PARP16: variants seen among roughly 807,000 people sequenced by gnomAD.
The protein encoded by PARP16 is protein mono-ADP-ribosyltransferase PARP16.
PARP16 carries 31 observed loss-of-function variants against 35.0 expected under a neutral mutation model. The observed-to-expected ratio is 0.88, with a 90% confidence interval of 0.66 to 1.19. The LOEUF is 1.19. PARP16 is among the 50% of genes most tolerant of loss of function. The pLI is 0.00. For synonymous variants in PARP16, 162 were observed against 169.5 expected, an observed-to-expected ratio of 0.96 and a Z score of 0.34; for missense variants, 424 against 411.2, an observed-to-expected ratio of 1.03 and a Z score of -0.27.
In PARP16 at chr15:65,286,819, C is replaced by A; in HGVS notation, c.-393G>T. ...GAGGCCTGGGGCGGGAAGCAGCCCC[C>A]GGGGGACGGCGGGCAGAGCCCACTC... On this transcript the variant is annotated 5_prime_UTR_variant, in exon 1 of 6. Coordinates refer to ENST00000649807, the MANE Select transcript of PARP16 (RefSeq NM_001316943.2). 1 of 180,104 alleles carries A rather than the reference C, an allele frequency of 5.6e-6. No individual in the cohort carries two copies. The highest frequency in any genetic ancestry group is 1.2e-5 in the Non-Finnish European group (1 of 86,740). 11.2% of individuals were successfully genotyped at this position (180,104 alleles called of 1,614,324 possible).
Position 65,259,516 on chromosome 15 carries a change from G to A in PARP16, c.860C>T (p.Ser287Phe), listed in dbSNP as rs941566231. The change falls in exon 6 of 6, where the codon TCC (serine) becomes TTC (phenylalanine). Residue 287 changes from serine to phenylalanine, a missense_variant. Ser to Phe is a radical substitution (Grantham distance 155, BLOSUM62 -2). Coordinates refer to ENST00000649807, the MANE Select transcript of PARP16 (RefSeq NM_001316943.2). ...TATCATGACGGTAAACCAATGGCTG[G>A]AAAACCAGGAGAGCTGGCTCGAAGC... ...KRASSQLSWFSSHWFTVMISL... is the reference protein window; with the variant it reads ...KRASSQLSWFFSHWFTVMISL... The A allele has an allele frequency of 1.2e-6, 2 of 1,614,134 alleles. No homozygotes were observed. Among genetic ancestry groups the A allele is most frequent in the Admixed American group, 3.3e-5 (2 of 60,028 alleles).
chr15:65,283,760 T>G (rs1459887061), intron 1 of PARP16, among the ~76,000 whole-genome samples: 1 of 152,128 alleles, frequency 6.6e-6, no homozygotes, highest in African/African-American at 2.4e-5. Flanking sequence ...TCTCCACGGG[T>G]TAATCCTGTA....
intron 1 of PARP16, among the ~76,000 whole-genome samples, chr15:65,272,677 A>C (rs1396227798): frequency 6.6e-6 from 1 of 152,148 alleles, no homozygotes; most frequent in East Asian, 1.9e-4. Flanking sequence ...AGACACCTGG[A>C]GGTCAAGAAC....
chr15:65,269,536 A>G (rs927742927), intron 2 of PARP16, among the ~76,000 whole-genome samples: 1 of 152,204 alleles, frequency 6.6e-6, no homozygotes, highest in Admixed American at 6.5e-5. Flanking sequence ...AAGCCAGTCT[A>G]TGGCAAAGTT....
intron 2 of PARP16, among the ~76,000 whole-genome samples, chr15:65,269,204 C>CTTTTTTT (rs894925251): frequency 9.7e-6 from 1 of 103,490 alleles, no homozygotes; most frequent in African/African-American, 3.1e-5. Context: ...TTCTTTCTTT[C>CTTTTTTT]TTTTTTTTTT....
intron 1 of PARP16, among the ~76,000 whole-genome samples, chr15:65,275,115 A>C (rs886554225): frequency 8.2e-4 from 118 of 143,588 alleles, no homozygotes; most frequent in African/African-American, 2.9e-3. Context: ...ACCCTGTCTC[A>C]AAAAAAAAAA....
At chr15:65,244,150 T>A (rs992800560) in intron 3 of PARP16, among the ~76,000 whole-genome samples, 1 of 152,324 alleles carries the variant, frequency 6.6e-6, no homozygotes, top group East Asian at 1.9e-4. Context: ...AGGTCTCAGA[T>A]AATGTGTCAG....
chr15:65,254,111 G>A (rs1231092211), downstream of PARP16, among the ~76,000 whole-genome samples: 2 of 152,194 alleles, frequency 1.3e-5, no homozygotes, highest in Non-Finnish European at 1.5e-5. Context: ...GAACCACCGC[G>A]CCTGGCCTAA....
At chr15:65,262,002 A>T (rs2089737045) in intron 4 of PARP16, among the ~76,000 whole-genome samples, 1 of 152,204 alleles carries the variant, frequency 6.6e-6, no homozygotes, top group South Asian at 2.1e-4. Context: ...GCAAATATCC[A>T]TGCTGTCCGG....
At chr15:65,263,058 C>A (rs2089786774) in intron 4 of PARP16, 91 bp downstream of exon 4, 4 of 1,213,028 alleles carry the variant, frequency 3.3e-6, no homozygotes, top group Admixed American at 2.0e-5. Flanking sequence ...CTTGGGCATG[C>A]AATGGGTGCT....
chr15:65,235,998 C>T (rs751534202), intron 3 of PARP16, among the ~76,000 whole-genome samples: 28 of 151,128 alleles, frequency 1.9e-4, no homozygotes, highest in Non-Finnish European at 3.7e-4. Flanking sequence ...GCTGGGATTA[C>T]AGGCATGTGC....
At chr15:65,248,525 G>C (rs1025413061) in intron 2 of PARP16, among the ~76,000 whole-genome samples, 1 of 152,104 alleles carries the variant, frequency 6.6e-6, no homozygotes, top group Non-Finnish European at 1.5e-5. Context: ...AAACACACAA[G>C]TACATACTTT....
chr15:65,269,200 C>CTCTCTCTCTCTCTCT (rs1567029638), intron 2 of PARP16, among the ~76,000 whole-genome samples: 1 of 146,000 alleles, frequency 6.8e-6, no homozygotes. Context: ...TTCTTTCTTT[C>CTCTCTCTCTCTCTCT]TTTCTTTTTT....
intron 2 of PARP16, chr15:65,248,262 A>T: frequency 2.2e-6 from 1 of 456,502 alleles, no homozygotes; most frequent in Non-Finnish European, 4.4e-6. Flanking sequence ...CAAGTACTTT[A>T]AAAATGTCCA....
intron 2 of PARP16, among the ~76,000 whole-genome samples, chr15:65,250,099 C>A (rs2140772366): frequency 7.1e-6 from 1 of 141,638 alleles, no homozygotes; most frequent in Non-Finnish European, 1.5e-5. Context: ...AGCCTTGCAC[C>A]TGCTTGCCTT....
chr15:65,278,539 A>T (rs1044792337), intron 1 of PARP16, among the ~76,000 whole-genome samples: 4 of 152,192 alleles, frequency 2.6e-5, no homozygotes, highest in Admixed American at 2.6e-4. Context: ...TTGGGTGAAT[A>T]GGCCTCACAG....
At chr15:65,257,578 C>T (rs975816593), downstream of PARP16, among the ~76,000 whole-genome samples, 49 of 147,552 alleles carry the variant, frequency 3.3e-4, no homozygotes, top group African/African-American at 4.5e-4. Flanking sequence ...TGCAGTGAGC[C>T]GAGATTGCGT....
At chr15:65,232,832 G>A (rs988601488), downstream of PARP16, among the ~76,000 whole-genome samples, 2 of 151,980 alleles carry the variant, frequency 1.3e-5, no homozygotes, top group Non-Finnish European at 2.9e-5. Flanking sequence ...GAGGAGGGAG[G>A]ATCGCGTGAG....
intron 1 of PARP16, among the ~76,000 whole-genome samples, chr15:65,272,557 G>A (rs2090127129): frequency 6.6e-6 from 1 of 152,084 alleles, no homozygotes; most frequent in Admixed American, 6.6e-5. Flanking sequence ...CTTGTTCCAA[G>A]AATACCCCTT....
Sources: gnomAD v4.1 joint callset for allele counts (sites outside exome capture counted in the v4.1 genomes callset) on GRCh38, gnomAD v4.1.1 for gene constraint, MANE v1.5 for transcripts, NCBI Gene and HGNC (gene_info 2026-07-23, HGNC 2026-07-21) for gene names.